Variants in DNAH2 observed in about 807,000 individuals in gnomAD.
DNAH2 encodes axonemal beta dynein heavy chain 2.
A neutral mutation model predicts 523.5 loss-of-function variants in DNAH2; 323 were observed. The observed-to-expected ratio is 0.62, with a 90% confidence interval of 0.56 to 0.68. DNAH2 has a LOEUF of 0.68. Among genes scored for constraint, DNAH2 ranks in the 30% least tolerant of loss-of-function variants. The pLI, the probability that DNAH2 is intolerant of heterozygous loss-of-function variation, is 0.00. For missense variants in DNAH2, 4,907 were observed against 5,701.5 expected (o/e 0.86, Z 4.49); for synonymous variants, 2,093 against 2,177.4 (o/e 0.96, Z 1.08).
In DNAH2 at chr17:7,832,945, CT is replaced by C; in HGVS notation, c.12978+19del. 1 of 1,614,128 alleles carries C rather than the reference CT, an allele frequency of 6.2e-7. No homozygotes were observed. The highest frequency in any genetic ancestry group is 8.5e-7 in the Non-Finnish European group (1 of 1,180,010). On this transcript the variant is annotated intron_variant, in intron 84 of 85. Coordinates refer to ENST00000572933, the MANE Select transcript of DNAH2 (RefSeq NM_020877.5). The surrounding 1 kb of genome is among the most constrained non-coding windows in gnomAD (Gnocchi z 4.3). ...CCCCCCAAGGTGGGAGCCAGTTGTGCTTGGGGCTCTGAGCAAAAGAGGGTAC... is the reference window on the plus strand; with the variant it reads ...CCCCCCAAGGTGGGAGCCAGTTGTGCTGGGGCTCTGAGCAAAAGAGGGTAC...
At position 7,742,353 on chromosome 17, in the gene DNAH2, C is replaced by T. The variant is rs140138442; in HGVS notation, c.1690-575C>T. On this transcript the variant is annotated intron_variant, in intron 11 of 85. Transcript: ENST00000572933. ...GGCTAAGGCAGGACAATTGCTTGAA[C>T]CCTGGAGGCAGAAGTTGCAGTGAGC... Among the ~76,000 whole-genome samples the T allele has an allele frequency of 4.6e-3, 704 of 152,262 alleles. 6 individuals carry two copies. The highest frequency in any genetic ancestry group is 0.016 in the African/African-American group (667 of 41,574).
intron 56 of DNAH2, 110 bp downstream of exon 56, chr17:7,799,352 GCCCGCCTC>G (rs2077159174): frequency 1.4e-6 from 2 of 1,443,270 alleles, no homozygotes; most frequent in African/African-American, 1.4e-5. Flanking sequence ...AGGCTCCTCT[GCCCGCCTC>G]ACCCATCTCC....
At chr17:7,762,893 TA>T (rs34113567) in intron 18 of DNAH2, among the ~76,000 whole-genome samples, 4,089 of 126,846 alleles carry the variant, frequency 0.032, 150 homozygotes, top group African/African-American at 0.093. Context: ...CTCAAACAGT[TA>T]AAAAAAAAAA....
intron 35 of DNAH2, among the ~76,000 whole-genome samples, chr17:7,778,820 T>C (rs9915452): frequency 0.38 from 58,423 of 151,956 alleles, 11,582 homozygotes; most frequent in African/African-American, 0.43. Flanking sequence ...CCACCTGTCT[T>C]GGCCTCCCAA....
rs375651570 is a variant in DNAH2 at position 7,833,531 on chromosome 17, T to G, written c.13282T>G (p.Ter4428GlyextTer8). 1.4e-5 allele frequency: 22 copies of G among 1,613,502 alleles called. No homozygotes were observed. The African/African-American group carries it at 2.9e-4, about 22-fold the overall frequency. ...GTALLMSLDS[*>G] Reference sequence around the variant, plus strand: ...TGCTCTACTCATGAGCCTGGACAGCTGAGACCTCCTCCTCTTCTCCGCTTG... The same window carrying G: ...TGCTCTACTCATGAGCCTGGACAGCGGAGACCTCCTCCTCTTCTCCGCTTG... The change falls in exon 86 of 86, where the codon TGA (stop) becomes GGA (glycine). Residue 4428 changes from the stop codon to glycine (G), a stop_lost. Coordinates refer to ENST00000572933, the MANE Select transcript of DNAH2 (RefSeq NM_020877.5).
rs1442277651 is a variant in DNAH2 at position 7,788,111 on chromosome 17, T to C, written c.6767T>C (p.Met2256Thr). 6.2e-7 allele frequency: 1 copy of C among 1,614,192 alleles called. No homozygotes were observed. The highest frequency in any genetic ancestry group is 2.2e-5 in the East Asian group (1 of 44,882). Residue 2256 changes from methionine (M) to threonine (T), a missense_variant, in exon 44 of 86, where the codon ATG (methionine) becomes ACG (threonine). By Grantham distance (81) the Met-to-Thr change is moderately conservative. Coordinates refer to ENST00000572933, the MANE Select transcript of DNAH2 (RefSeq NM_020877.5). ...PKAEVEPLQRMFEKLINKMLA... is the reference protein window; with the variant it reads ...PKAEVEPLQRTFEKLINKMLA... ...GCTGAGGTGGAGCCCCTTCAACGCA[T>C]GTTCGAAAAGCTCATCAACAAGATG...
Position 7,798,717 on chromosome 17 carries a change from A to G in DNAH2, c.8558A>G (p.Glu2853Gly), listed in dbSNP as rs1004725552. 2 of 1,612,314 alleles carry G rather than the reference A, an allele frequency of 1.2e-6. No homozygotes were observed. Residue 2853 changes from glutamate (E) to glycine (G), a missense_variant and splice_region_variant, in exon 55 of 86, where the codon GAG (glutamate) becomes GGG (glycine). Glu to Gly is a moderately conservative substitution (Grantham distance 98). Transcript: ENST00000572933. The surrounding 1 kb of genome is among the most constrained non-coding windows in gnomAD (Gnocchi z 5.5). Reference sequence around the variant, plus strand: ...CTCTACAAGCCTGATGAATTTGAAGAGGTAGGATTCCTTCCACACCCTTGA... The same window carrying G: ...CTCTACAAGCCTGATGAATTTGAAGGGGTAGGATTCCTTCCACACCCTTGA... ...PNLYKPDEFE[E>G]IQSHIIDQAR...
At chr17:7,826,228 C>T (rs1405658680) in intron 77 of DNAH2, among the ~76,000 whole-genome samples, 2 of 152,176 alleles carry the variant, frequency 1.3e-5, no homozygotes, top group Non-Finnish European at 2.9e-5. Flanking sequence ...CCATGGTGGC[C>T]AGGCTGGTCT....
chr17:7,817,349 G>A lies in DNAH2; in HGVS notation c.9954G>A (p.Leu3318=), dbSNP rs755635386. 48 of 1,611,194 alleles carry A rather than the reference G, an allele frequency of 3.0e-5. No individual in the cohort carries two copies. The South Asian group carries it at 4.6e-4, about 16-fold the overall frequency. The change falls in exon 65 of 86, where the codon CTG becomes CTA. Residue 3318 remains leucine (L), a synonymous_variant. Transcript: ENST00000572933. Reference sequence around the variant, plus strand: ...ACTGTCTCCTGGCAGCTGCCTTCCTGTCCTACATGGGACCCTTCCTGACCA... The same window carrying A: ...ACTGTCTCCTGGCAGCTGCCTTCCTATCCTACATGGGACCCTTCCTGACCA... ...VGDCLLAAAF[L]SYMGPFLTNY...
chr17:7,775,115 T>C, intron 29 of DNAH2, 126 bp from the exon 30 acceptor site: 2 of 1,258,382 alleles, frequency 1.6e-6, no homozygotes, highest in East Asian at 4.9e-5. Flanking sequence ...GGGATAGAAC[T>C]TCTTAGAATT....
At chr17:7,829,529 A>T (rs1054430932) in intron 77 of DNAH2, among the ~76,000 whole-genome samples, 1 of 152,230 alleles carries the variant, frequency 6.6e-6, no homozygotes, top group Non-Finnish European at 1.5e-5. Flanking sequence ...CAGCTTGCTC[A>T]TGGAGACTAA....
At chr17:7,750,274 A>G (rs915745477) in intron 12 of DNAH2, among the ~76,000 whole-genome samples, 5 of 152,084 alleles carry the variant, frequency 3.3e-5, no homozygotes, top group Admixed American at 3.3e-4. Context: ...TTTCCTCACA[A>G]TCTGACATAC....
chr17:7,747,531 T>A (rs1039311178), intron 12 of DNAH2, among the ~76,000 whole-genome samples: 1 of 152,184 alleles, frequency 6.6e-6, no homozygotes, highest in Non-Finnish European at 1.5e-5. Flanking sequence ...TTACTGAAAT[T>A]TGAACACAGT....
intron 2 of DNAH2, among the ~76,000 whole-genome samples, chr17:7,721,159 C>A (rs2074592677): frequency 6.6e-6 from 1 of 151,958 alleles, no homozygotes; most frequent in African/African-American, 2.4e-5. Flanking sequence ...CAGGCATACA[C>A]CACCATGCCC....
intron 58 of DNAH2, 109 bp from the exon 59 acceptor site, chr17:7,804,147 C>CGCCGTATCATT: frequency 8.7e-7 from 1 of 1,148,242 alleles, no homozygotes; most frequent in South Asian, 1.5e-5. Flanking sequence ...GTGTTGGTGG[C>CGCCGTATCATT]AACAGAAAGG....
chr17:7,816,526 G>A (rs767683776), intron 63 of DNAH2, 45 bp from the exon 64 acceptor site: 5 of 1,607,062 alleles, frequency 3.1e-6, no homozygotes, highest in African/African-American at 1.3e-5. Flanking sequence ...GAACAATCTG[G>A]CTGCGAGCCC....
Position 7,821,911 on chromosome 17 carries a change from G to A in DNAH2, c.11142+542G>A, listed in dbSNP as rs1032435951. 3.3e-5 allele frequency among the ~76,000 whole-genome samples: 5 copies of A among 151,916 alleles called. No homozygotes were observed. The highest frequency in any genetic ancestry group is 1.2e-4 in the African/African-American group (5 of 41,344). ...CCAGACAACCATGCTGCACTCTCCC[G>A]CCCTCCTAGACATTTTCTTGACTTT... On this transcript the variant is annotated intron_variant, in intron 73 of 85. Transcript: ENST00000572933. The surrounding 1 kb of genome is among the most constrained non-coding windows in gnomAD (Gnocchi z 5.0).
Position 7,832,964 on chromosome 17 carries a change from G to C in DNAH2, c.12978+36G>C. ...GTTGTGCTTGGGGCTCTGAGCAAAA[G>C]AGGGTACTGGAAATAATTGGACGAA... On this transcript the variant is annotated intron_variant, in intron 84 of 85. Transcript: ENST00000572933. This position sits in a 1 kb window ranked among gnomAD's most constrained non-coding sequence, Gnocchi z 4.3. 1 of 1,614,076 alleles carries C rather than the reference G, an allele frequency of 6.2e-7. No individual in the cohort carries two copies.
chr17:7,741,559 C>T (rs527739117), intron 11 of DNAH2, among the ~76,000 whole-genome samples: 1 of 151,986 alleles, frequency 6.6e-6, no homozygotes, highest in South Asian at 2.1e-4. Flanking sequence ...GGGGTTTCAC[C>T]GTGTTAGCCA....
Sources: allele counts gnomAD v4.1 joint callset (sites outside exome capture counted in the v4.1 genomes callset), GRCh38; gene constraint gnomAD v4.1.1; non-coding constraint Gnocchi (gnomAD v3.1); transcripts MANE v1.5; gene names NCBI Gene and HGNC (gene_info 2026-07-23, HGNC 2026-07-21).